The following CTSO variants were observed in gnomAD, a reference collection of about 807,000 sequenced individuals.
The protein encoded by CTSO is cathepsin O.
A neutral mutation model predicts 42.4 loss-of-function variants in CTSO; 40 were observed. That is an observed-to-expected ratio of 0.94 (90% CI 0.73 to 1.23). The LOEUF is 1.23. CTSO is among the 50% of genes most tolerant of loss of function. The probability of loss-of-function intolerance (pLI) is 0.00; values close to 1 mark genes in which losing one functional copy is unlikely to be tolerated. For missense variants in CTSO, 441 were observed against 396.0 expected, an observed-to-expected ratio of 1.11 and a Z score of -0.96; for synonymous variants, 156 against 146.2, an observed-to-expected ratio of 1.07 and a Z score of -0.48.
In CTSO at chr4:155,948,437, G is replaced by A. The variant is rs1743586763; in HGVS notation, c.136-5173C>T. Among the ~76,000 whole-genome samples the A allele has an allele frequency of 2.0e-5, 3 of 152,040 alleles. No individual in the cohort carries two copies. In the South Asian group the frequency reaches 6.2e-4, roughly 32 times the overall value. ...GGAGGTGATCACATATTTGAACTGT[G>A]ATTTAAATGTAATATGTTTCTAAGC... is the stretch of plus-strand genomic sequence containing the variant. On this transcript the variant is annotated intron_variant, in intron 1 of 7. Transcript: ENST00000433477.
intron 1 of CTSO, among the ~76,000 whole-genome samples, chr4:155,944,809 G>C (rs9999631): frequency 0.65 from 98,255 of 151,968 alleles, 33,548 homozygotes; most frequent in East Asian, 0.97. Context: ...CCAAACCAAA[G>C]TTTCCTTGGA....
chr4:155,949,197 C>A (rs1408185330), intron 1 of CTSO, among the ~76,000 whole-genome samples: 1 of 152,150 alleles, frequency 6.6e-6, no homozygotes, highest in Non-Finnish European at 1.5e-5. Context: ...GCCCTCTTCA[C>A]AGAAGAATAA....
chr4:155,932,918 G>A (rs986776773), intron 5 of CTSO, among the ~76,000 whole-genome samples: 1 of 152,066 alleles, frequency 6.6e-6, no homozygotes, highest in African/African-American at 2.4e-5. Flanking sequence ...CAGTCATTGA[G>A]ATCAAAAGGC....
rs1041200768 is a variant in CTSO at position 155,924,135 on chromosome 4, T to A, written c.*1901A>T. On this transcript the variant is annotated 3_prime_UTR_variant, in exon 8 of 8. Transcript: ENST00000433477. Reference sequence around the variant, plus strand: ...AGAAGAGGTTCTTTTTAAACCAAAGTCAAATGTAGGTTGTTTTATTGTAAA... The same window carrying A: ...AGAAGAGGTTCTTTTTAAACCAAAGACAAATGTAGGTTGTTTTATTGTAAA... 3 of 152,164 alleles carry A rather than the reference T, an allele frequency of 2.0e-5. No individual in the cohort carries two copies. Among genetic ancestry groups the A allele is most frequent in the African/African-American group, 7.2e-5 (3 of 41,444 alleles). 9.4% of individuals were successfully genotyped at this position (152,164 alleles called of 1,614,324 possible).
At chr4:155,934,706 G>A (rs927214283) in intron 5 of CTSO, among the ~76,000 whole-genome samples, 6 of 152,276 alleles carry the variant, frequency 3.9e-5, no homozygotes, top group African/African-American at 7.2e-5. Context: ...GGAGTTCCAT[G>A]GGCCCTCTAA....
chr4:155,946,599 C>A (rs952369676), intron 1 of CTSO, among the ~76,000 whole-genome samples: 1 of 152,054 alleles, frequency 6.6e-6, no homozygotes, highest in African/African-American at 2.4e-5. Flanking sequence ...CAACCAGGAG[C>A]CAACTTCTAA....
chr4:155,948,866 A>G (rs2137779), intron 1 of CTSO, among the ~76,000 whole-genome samples: 135,281 of 151,960 alleles, frequency 0.89, 61,756 homozygotes, highest in East Asian at 1. Flanking sequence ...AAGGAGGGTG[A>G]CTTGAGGGGT....
intron 1 of CTSO, among the ~76,000 whole-genome samples, chr4:155,946,264 G>A (rs572825342): frequency 6.6e-6 from 1 of 152,278 alleles, no homozygotes; most frequent in East Asian, 1.9e-4. Context: ...GAGTTCCCAT[G>A]TACTTCTCTT....
intron 5 of CTSO, 26 bp from the exon 6 acceptor site, chr4:155,929,731 A>T (rs772011997): frequency 6.3e-7 from 1 of 1,587,056 alleles, no homozygotes; most frequent in South Asian, 1.1e-5. Flanking sequence ...ATATTTGGTT[A>T]GAAAATTTAG....
intron 1 of CTSO, among the ~76,000 whole-genome samples, chr4:155,944,913 A>C (rs1743512944): frequency 7.0e-6 from 1 of 143,740 alleles, no homozygotes; most frequent in Non-Finnish European, 1.5e-5. Flanking sequence ...CTCTACCTGG[A>C]CCTCTCCCTA....
intron 5 of CTSO, among the ~76,000 whole-genome samples, chr4:155,935,202 A>G (rs1743308967): frequency 6.6e-6 from 1 of 152,130 alleles, no homozygotes; most frequent in Non-Finnish European, 1.5e-5. Context: ...CCGCCACGTA[A>G]GTAGTGCCTT....
Position 155,925,466 on chromosome 4 carries a change from T to G in CTSO, c.*570A>C, listed in dbSNP as rs1242580769. The G allele has an allele frequency of 6.6e-6, 1 of 152,286 alleles. No homozygotes were observed. Among genetic ancestry groups the G allele is most frequent in the African/African-American group, 2.4e-5 (1 of 41,470 alleles). 9.4% of individuals were successfully genotyped at this position (152,286 alleles called of 1,614,324 possible). A position where few individuals can be genotyped will look rare whatever the true frequency, so the allele number is the denominator to read the frequency against. On this transcript the variant is annotated 3_prime_UTR_variant, in exon 8 of 8. Transcript: ENST00000433477. Reference sequence around the variant, plus strand: ...TTTCCTTCCTTCTACGTGGTCACTCTGCTGTTCAAAGGGTAAGCACCATTT... The same window carrying G: ...TTTCCTTCCTTCTACGTGGTCACTCGGCTGTTCAAAGGGTAAGCACCATTT...
intron 6 of CTSO, among the ~76,000 whole-genome samples, 187 bp from the exon 7 acceptor site, chr4:155,928,615 A>T (rs1743173477): frequency 6.6e-6 from 1 of 152,176 alleles, no homozygotes; most frequent in Non-Finnish European, 1.5e-5. Flanking sequence ...ACTTACGGAC[A>T]CTCTCCAATC....
chr4:155,938,722 C>T (rs191939215), intron 4 of CTSO, among the ~76,000 whole-genome samples: 85 of 151,858 alleles, frequency 5.6e-4, no homozygotes, highest in African/African-American at 1.8e-3. Flanking sequence ...GTCAGGAGAT[C>T]GAGATCAGCC....
chr4:155,938,321 A>G (rs1743367764), intron 4 of CTSO, among the ~76,000 whole-genome samples: 1 of 152,220 alleles, frequency 6.6e-6, no homozygotes, highest in African/African-American at 2.4e-5. Context: ...TGTCGTCTAC[A>G]GTGTGTACAG....
At position 155,924,619 on chromosome 4, in the gene CTSO, T is replaced by TA. The variant is rs1259711633; in HGVS notation, c.*1416_*1417insT. On this transcript the variant is annotated 3_prime_UTR_variant, in exon 8 of 8. Transcript: ENST00000433477. ...AATGATACATTTTAGAGAAGAAATATGTACATACATAGTATCAGAAATAAT... is the reference window on the plus strand; with the variant it reads ...AATGATACATTTTAGAGAAGAAATATAGTACATACATAGTATCAGAAATAAT... The TA allele has an allele frequency of 6.6e-6, 1 of 152,232 alleles. No individual in the cohort carries two copies. The highest frequency in any genetic ancestry group is 2.1e-4 in the South Asian group (1 of 4,830). The allele number at this position is 152,232 out of a possible 1,614,324, so 9.4% of individuals were successfully genotyped here.
chr4:155,945,280 A>T (rs1414848358), intron 1 of CTSO, among the ~76,000 whole-genome samples: 3 of 152,078 alleles, frequency 2.0e-5, no homozygotes, highest in Middle Eastern at 3.4e-3. Flanking sequence ...AATAAATAAA[A>T]AATAAGAAAA....
intron 1 of CTSO, among the ~76,000 whole-genome samples, chr4:155,944,623 C>A (rs1324751971): frequency 6.6e-6 from 1 of 152,252 alleles, no homozygotes; most frequent in East Asian, 1.9e-4. Flanking sequence ...TCCCAGCCTT[C>A]TTTCTATAGG....
At chr4:155,928,236 T>C (rs1227427393) in intron 7 of CTSO, 100 bp downstream of exon 7, 1 of 750,774 alleles carries the variant, frequency 1.3e-6, no homozygotes, top group Non-Finnish European at 2.0e-6. Context: ...GGACAAAAAT[T>C]ATTACTGCTA....
Sources: gnomAD v4.1 joint callset for allele counts (sites outside exome capture counted in the v4.1 genomes callset) on GRCh38, gnomAD v4.1.1 for gene constraint, MANE v1.5 for transcripts, NCBI Gene and HGNC (gene_info 2026-07-23, HGNC 2026-07-21) for gene names.